The following GHR variants were observed in gnomAD, a reference collection of about 807,000 sequenced individuals.
GHR encodes the protein GH receptor.
In GHR, 35 loss-of-function variants were observed where a neutral mutation model predicts 67.1. The observed-to-expected ratio is 0.52, with a 90% confidence interval of 0.40 to 0.69. The LOEUF (loss-of-function observed/expected upper bound fraction) is 0.69, where lower values mean the gene tolerates loss of function less well. GHR is among the 30% of genes least tolerant of loss of function. The pLI, the probability that GHR is intolerant of heterozygous loss-of-function variation, is 0.00. For synonymous variants in GHR, 272 were observed against 269.1 expected, an observed-to-expected ratio of 1.01 and a Z score of -0.10; for missense variants, 792 against 764.6, an observed-to-expected ratio of 1.04 and a Z score of -0.42.
At chr5:42,482,818 T>C (rs2940936) in intron 1 of GHR, among the ~76,000 whole-genome samples, 152,008 of 152,186 alleles carry the variant, frequency 1, 75,917 homozygotes, top group Middle Eastern at 1. Flanking sequence ...TTCCCTGACC[T>C]CTTGCGCTTC....
At chr5:42,528,229 T>C (rs1321577890) in intron 1 of GHR, among the ~76,000 whole-genome samples, 1 of 152,132 alleles carries the variant, frequency 6.6e-6, no homozygotes, top group Admixed American at 6.6e-5. Context: ...CTGATGGATC[T>C]AAGAAAAATA....
In GHR at chr5:42,424,548, C is replaced by T. The variant is rs1742758690; in HGVS notation, c.-12+593C>T. ...GCGGGCCGCAGCCGCACGTTGGCAC[C>T]GATGGAACTGGGGTCAGTAGAGTGA... On this transcript the variant is annotated intron_variant, in intron 1 of 9. Transcript: ENST00000230882. The surrounding 1 kb of genome is among the most constrained non-coding windows in gnomAD (Gnocchi z 4.1). 1.3e-6 allele frequency: 2 copies of T among 1,529,538 alleles called. No homozygotes were observed. The highest frequency in any genetic ancestry group is 4.9e-5 in the East Asian group (2 of 40,842). The allele number at this position is 1,529,538 out of a possible 1,614,324, so 94.7% of individuals were successfully genotyped here.
intron 3 of GHR, among the ~76,000 whole-genome samples, chr5:42,644,341 C>A (rs907717519): frequency 2.6e-5 from 4 of 152,134 alleles, no homozygotes; most frequent in Non-Finnish European, 5.9e-5. Context: ...CTAGGTCTAA[C>A]TGCCAGTGTG....
chr5:42,450,887 C>T (rs1487565575), intron 1 of GHR, among the ~76,000 whole-genome samples: 2 of 151,936 alleles, frequency 1.3e-5, no homozygotes, highest in Non-Finnish European at 2.9e-5. Context: ...ATTGTTGACC[C>T]AAAGATCATT....
At chr5:42,588,587 A>T (rs184393958) in intron 2 of GHR, among the ~76,000 whole-genome samples, 19 of 150,140 alleles carry the variant, frequency 1.3e-4, no homozygotes, top group Non-Finnish European at 2.8e-4. Context: ...TTTGAATTCA[A>T]ACTCAGGCTT....
intron 1 of GHR, chr5:42,550,106 A>G (rs1748942680): frequency 1.0e-6 from 1 of 974,396 alleles, no homozygotes; most frequent in African/African-American, 1.8e-5. Flanking sequence ...GACAGCACGT[A>G]TGAGCCTGGG....
intron 1 of GHR, among the ~76,000 whole-genome samples, chr5:42,479,726 G>A (rs1280364843): frequency 1.3e-5 from 2 of 152,086 alleles, no homozygotes; most frequent in East Asian, 3.9e-4. Context: ...GGGATTGGTG[G>A]TGATATCCCC....
chr5:42,500,204 G>A (rs1469774919), intron 1 of GHR, among the ~76,000 whole-genome samples: 2 of 152,230 alleles, frequency 1.3e-5, no homozygotes, highest in East Asian at 3.9e-4. Context: ...GAGACTTTGT[G>A]CCAGACACAA....
At chr5:42,435,016 T>C (rs1361093326) in intron 1 of GHR, among the ~76,000 whole-genome samples, 1 of 152,226 alleles carries the variant, frequency 6.6e-6, no homozygotes, top group East Asian at 1.9e-4. Context: ...TTGATTATTC[T>C]TATTTCACAA....
intron 1 of GHR, chr5:42,468,875 C>T: frequency 1.2e-6 from 1 of 816,410 alleles, no homozygotes; most frequent in East Asian, 3.0e-5. Flanking sequence ...ATGATGGTTG[C>T]TCGGCGGCAC....
intron 1 of GHR, among the ~76,000 whole-genome samples, chr5:42,448,874 C>A (rs1456852094): frequency 6.6e-6 from 1 of 152,074 alleles, no homozygotes; most frequent in Non-Finnish European, 1.5e-5. Flanking sequence ...ATCCCAGCAC[C>A]ATTTGTTGAC....
At chr5:42,702,991 T>C (rs1039072347) in intron 6 of GHR, among the ~76,000 whole-genome samples, 2 of 152,106 alleles carry the variant, frequency 1.3e-5, no homozygotes, top group Non-Finnish European at 1.5e-5. Flanking sequence ...AAATATTGTC[T>C]CCCATTCCAT....
At chr5:42,472,160 T>C (rs1489932433) in intron 1 of GHR, among the ~76,000 whole-genome samples, 1 of 152,206 alleles carries the variant, frequency 6.6e-6, no homozygotes, top group Non-Finnish European at 1.5e-5. Flanking sequence ...GGGGGGTGAT[T>C]ATCATAAAAT....
chr5:42,484,691 G>A (rs1745801636), intron 1 of GHR, among the ~76,000 whole-genome samples: 1 of 152,128 alleles, frequency 6.6e-6, no homozygotes, highest in Admixed American at 6.5e-5. Context: ...TGCTTAGCGG[G>A]GCTCTTTGAT....
intron 3 of GHR, among the ~76,000 whole-genome samples, chr5:42,636,285 T>C (rs1754187216): frequency 6.6e-6 from 1 of 151,778 alleles, no homozygotes; most frequent in Non-Finnish European, 1.5e-5. Context: ...TCAGTATGCC[T>C]ATGTACACTC....
Position 42,718,774 on chromosome 5 carries a change from C to T in GHR, c.1267C>T (p.Leu423Phe), listed in dbSNP as rs1337570033. Residue 423 changes from leucine (L) to phenylalanine (F), a missense_variant, in exon 10 of 10, where the codon CTC becomes TTC. Coordinates refer to ENST00000230882, the MANE Select transcript of GHR (RefSeq NM_000163.5). ...QPQRLKGEAD[L>F]LCLDQKNQNN... is the part of the protein sequence containing the mutation. ...ACAGAGGTTAAAAGGGGAAGCAGAT[C>T]TCTTATGCCTTGACCAGAAGAATCA... 6.2e-7 allele frequency: 1 copy of T among 1,614,126 alleles called. No homozygotes were observed. The highest frequency in any genetic ancestry group is 8.5e-7 in the Non-Finnish European group (1 of 1,179,998).
At chr5:42,488,582 G>T (rs1428750328) in intron 1 of GHR, among the ~76,000 whole-genome samples, 1 of 152,130 alleles carries the variant, frequency 6.6e-6, no homozygotes. Flanking sequence ...GGTTTTGATT[G>T]ATGTATTGGT....
At chr5:42,679,082 T>C (rs1756712604) in intron 3 of GHR, among the ~76,000 whole-genome samples, 1 of 145,570 alleles carries the variant, frequency 6.9e-6, no homozygotes, top group South Asian at 2.1e-4. Flanking sequence ...TAATATATTA[T>C]ACTAATATTA....
intron 1 of GHR, among the ~76,000 whole-genome samples, chr5:42,448,512 A>G (rs1743911088): frequency 6.6e-6 from 1 of 151,588 alleles, no homozygotes. Flanking sequence ...TCTGGATATT[A>G]GTACTTTGTC....
Sources: gnomAD v4.1 joint callset for allele counts (sites outside exome capture counted in the v4.1 genomes callset) on GRCh38, gnomAD v4.1.1 for gene constraint, Gnocchi (gnomAD v3.1) non-coding constraint, MANE v1.5 for transcripts, NCBI Gene and HGNC (gene_info 2026-07-23, HGNC 2026-07-21) for gene names.